The following B3GALT1 variants were observed in gnomAD, a reference collection of about 807,000 sequenced individuals.
B3GALT1 encodes the protein UDP-Gal:betaGlcNAc beta 1,3-galactosyltransferase, polypeptide 1.
B3GALT1 carries 10 observed loss-of-function variants against 23.2 expected under a neutral mutation model. The observed-to-expected ratio is 0.43, with a 90% CI of 0.27 to 0.73. B3GALT1 has a LOEUF of 0.73. B3GALT1 is among the 30% of genes least tolerant of loss of function. The pLI, the probability that B3GALT1 is intolerant of heterozygous loss-of-function variation, is 0.21. For missense variants in B3GALT1, 299 were observed against 405.4 expected (o/e 0.74, Z 2.25); for synonymous variants, 156 against 141.5 (o/e 1.10, Z -0.73).
At chr2:167,577,702 G>A (rs1029147958) in intron 2 of B3GALT1, among the ~76,000 whole-genome samples, 6 of 151,666 alleles carry the variant, frequency 4.0e-5, no homozygotes, top group Non-Finnish European at 5.9e-5. Context: ...CTTATTTTTG[G>A]TGTGGAAAAT....
At chr2:167,853,489 T>C (rs1212250005) in intron 4 of B3GALT1, among the ~76,000 whole-genome samples, 1 of 152,148 alleles carries the variant, frequency 6.6e-6, no homozygotes, top group Non-Finnish European at 1.5e-5. Context: ...CCTTATTTTT[T>C]CCCATATAGA....
chr2:167,477,552 C>T (rs186207425), intron 1 of B3GALT1, among the ~76,000 whole-genome samples: 135 of 152,282 alleles, frequency 8.9e-4, no homozygotes, highest in Admixed American at 2.1e-3. Flanking sequence ...AACGTTTCTA[C>T]TAAGTCTGAA....
chr2:167,495,582 C>T (rs938821984), intron 2 of B3GALT1, among the ~76,000 whole-genome samples: 7 of 152,174 alleles, frequency 4.6e-5, no homozygotes, highest in Admixed American at 1.3e-4. Context: ...ATCTGCCCGC[C>T]TTGGCCTTCC....
intron 3 of B3GALT1, among the ~76,000 whole-genome samples, chr2:167,689,943 G>A (rs924832343): frequency 6.6e-6 from 1 of 152,114 alleles, no homozygotes; most frequent in Non-Finnish European, 1.5e-5. Context: ...TTCTGGTAGA[G>A]CAGAAATGGG....
At chr2:167,303,023 C>G (rs1299304570) in intron 1 of B3GALT1, among the ~76,000 whole-genome samples, 2 of 152,112 alleles carry the variant, frequency 1.3e-5, no homozygotes, top group Admixed American at 1.3e-4. Flanking sequence ...TGACTGAACT[C>G]TGCACAGAAT....
chr2:167,508,035 A>G lies in B3GALT1; in HGVS notation c.-410+17758A>G, dbSNP rs958115945. On this transcript the variant is annotated intron_variant, in intron 2 of 4. Coordinates refer to ENST00000392690, the MANE Select transcript of B3GALT1 (RefSeq NM_020981.4). Reference sequence around the variant, plus strand: ...GTGTCCTCATGTGACAGAAAGAGCAAGAGAGCTCTCTGGGAGTCCCTTTTA... The same window carrying G: ...GTGTCCTCATGTGACAGAAAGAGCAGGAGAGCTCTCTGGGAGTCCCTTTTA... Among the ~76,000 whole-genome samples, 5 of 152,224 alleles carry G rather than the reference A, an allele frequency of 3.3e-5. No individual in the cohort carries two copies. In the East Asian group the frequency reaches 9.7e-4, roughly 30 times the overall value.
Position 167,334,165 on chromosome 2 carries a change from A to C in B3GALT1, c.-511+40831A>C, listed in dbSNP as rs138668616. ...TCAACACATAATTTAGTTAATTATA[A>C]TAATTAGTGTACTAGTGATCCTCAA... On this transcript the variant is annotated intron_variant, in intron 1 of 4. Transcript: ENST00000392690. Among the ~76,000 whole-genome samples the C allele has an allele frequency of 5.4e-4, 82 of 152,312 alleles. 1 individual carries two copies. The highest frequency in any genetic ancestry group is 1.9e-3 in the African/African-American group (80 of 41,566).
intron 1 of B3GALT1, among the ~76,000 whole-genome samples, chr2:167,311,864 GT>G (rs1166340338): frequency 6.6e-6 from 1 of 151,924 alleles, no homozygotes; most frequent in Non-Finnish European, 1.5e-5. Flanking sequence ...GGAGGACCTT[GT>G]ATATGCATTT....
intron 2 of B3GALT1, among the ~76,000 whole-genome samples, chr2:167,606,385 T>A (rs1684381100): frequency 1.3e-5 from 2 of 152,340 alleles, no homozygotes; most frequent in South Asian, 2.1e-4. Context: ...TCTAACACTT[T>A]AAGTCTCTGA....
At chr2:167,569,795 G>A (rs1279194007) in intron 2 of B3GALT1, among the ~76,000 whole-genome samples, 1 of 151,762 alleles carries the variant, frequency 6.6e-6, no homozygotes, top group Non-Finnish European at 1.5e-5. Flanking sequence ...GTAGCTGTAA[G>A]GTTTATGTAG....
At chr2:167,779,150 T>TCTTCACCCATTCATAGAATGTTACTA (rs58696482) in intron 3 of B3GALT1, among the ~76,000 whole-genome samples, 75,261 of 152,080 alleles carry the variant, frequency 0.49, 19,777 homozygotes, top group African/African-American at 0.67. Flanking sequence ...CACTCACTTT[T>TCTTCACCCATTCATAGAATGTTACTA]CATATATGCC....
At chr2:167,525,947 T>C (rs192205339) in intron 2 of B3GALT1, among the ~76,000 whole-genome samples, 1 of 152,154 alleles carries the variant, frequency 6.6e-6, no homozygotes, top group Admixed American at 6.6e-5. Flanking sequence ...GTTGCCTATG[T>C]CCTTTTGATC....
At chr2:167,373,720 G>A (rs969610527) in intron 1 of B3GALT1, among the ~76,000 whole-genome samples, 2 of 152,100 alleles carry the variant, frequency 1.3e-5, no homozygotes, top group South Asian at 2.1e-4. Flanking sequence ...CCACTATCCC[G>A]GCTCATTTTT....
chr2:167,548,705 T>TGAGA (rs1261470875), intron 2 of B3GALT1, among the ~76,000 whole-genome samples: 1 of 148,958 alleles, frequency 6.7e-6, no homozygotes, highest in African/African-American at 2.5e-5. Flanking sequence ...TGTGTGTGTG[T>TGAGA]GTGTGTGTGT....
chr2:167,648,372 C>T (rs1457713271), intron 3 of B3GALT1, among the ~76,000 whole-genome samples: 1 of 152,000 alleles, frequency 6.6e-6, no homozygotes, highest in Non-Finnish European at 1.5e-5. Context: ...TAAACTATTA[C>T]ACTAAACAAA....
At chr2:167,791,937 A>C (rs836686) in intron 3 of B3GALT1, among the ~76,000 whole-genome samples, 25,395 of 152,002 alleles carry the variant, frequency 0.17, 2,535 homozygotes, top group East Asian at 0.36. Context: ...TGTAATAGAC[A>C]TGCAGTAACT....
At chr2:167,499,404 G>A (rs1699820784) in intron 2 of B3GALT1, among the ~76,000 whole-genome samples, 1 of 152,182 alleles carries the variant, frequency 6.6e-6, no homozygotes, top group East Asian at 1.9e-4. Flanking sequence ...AAAAATGTCA[G>A]TCAGAGTAGT....
At chr2:167,461,005 A>C (rs909818390) in intron 1 of B3GALT1, among the ~76,000 whole-genome samples, 1 of 152,196 alleles carries the variant, frequency 6.6e-6, no homozygotes, top group Non-Finnish European at 1.5e-5. Flanking sequence ...GAGGAAGGTC[A>C]GTGGTCGTTT....
At chr2:167,851,824 C>G (rs908024242) in intron 4 of B3GALT1, among the ~76,000 whole-genome samples, 1 of 152,206 alleles carries the variant, frequency 6.6e-6, no homozygotes, top group African/African-American at 2.4e-5. Flanking sequence ...TGGCACTTCT[C>G]TACTAGTCTT....
Sources: allele counts gnomAD v4.1 joint callset (sites outside exome capture counted in the v4.1 genomes callset), GRCh38; gene constraint gnomAD v4.1.1; transcripts MANE v1.5; gene names NCBI Gene and HGNC (gene_info 2026-07-23, HGNC 2026-07-21).